ARL8B: variants seen among roughly 807,000 people sequenced by gnomAD.
ARL8B encodes the protein ADP-ribosylation factor-like protein 8B.
In ARL8B, 9 loss-of-function variants were observed where a neutral mutation model predicts 30.6. The observed-to-expected ratio is 0.29, with a 90% confidence interval of 0.18 to 0.51. The LOEUF (loss-of-function observed/expected upper bound fraction) is 0.51, where lower values mean the gene tolerates loss of function less well. Ranked by LOEUF, ARL8B falls within the 20% of genes least tolerant of loss-of-function variation. The pLI is 0.97. For missense variants in ARL8B, 130 were observed against 227.2 expected (o/e 0.57, Z 2.75); for synonymous variants, 74 against 76.0 (o/e 0.97, Z 0.14).
intron 1 of ARL8B, among the ~76,000 whole-genome samples, chr3:5,151,249 A>C (rs1275554722): frequency 2.0e-5 from 3 of 152,020 alleles, no homozygotes; most frequent in South Asian, 4.2e-4. Context: ...TGGGGGGCTT[A>C]GATTGTTAAT....
intron 1 of ARL8B, among the ~76,000 whole-genome samples, chr3:5,138,826 A>T (rs1430979493): frequency 2.0e-5 from 3 of 152,204 alleles, no homozygotes; most frequent in African/African-American, 7.2e-5. Flanking sequence ...TTTCACTGTG[A>T]AACAATGTCG....
chr3:5,122,343 G>C lies in ARL8B; in HGVS notation c.-123G>C, dbSNP rs559416959. Reference sequence around the variant, plus strand: ...TGGCTGCTGCCGCCCGCCGGTGTCCGCCCGTGTCGCGCCGGGGCACCAAGG... The same window carrying C: ...TGGCTGCTGCCGCCCGCCGGTGTCCCCCCGTGTCGCGCCGGGGCACCAAGG... On this transcript the variant is annotated 5_prime_UTR_variant, in exon 1 of 7. Coordinates refer to ENST00000256496, the MANE Select transcript of ARL8B (RefSeq NM_018184.3). The C allele has an allele frequency of 3.2e-6, 5 of 1,543,656 alleles. No homozygotes were observed. In the South Asian group the frequency reaches 5.9e-5, roughly 18 times the overall value.
intron 1 of ARL8B, among the ~76,000 whole-genome samples, chr3:5,163,020 C>T (rs563296688): frequency 3.2e-5 from 4 of 125,828 alleles, no homozygotes; most frequent in African/African-American, 1.3e-4. Flanking sequence ...CGGAGTCTTG[C>T]TGTGTCACCC....
chr3:5,167,417 A>G (rs1331090027), intron 1 of ARL8B, among the ~76,000 whole-genome samples: 1 of 152,206 alleles, frequency 6.6e-6, no homozygotes. Flanking sequence ...AAGCTTTATC[A>G]TAGGTATGTA....
chr3:5,164,523 CT>C (rs987499413), intron 1 of ARL8B, among the ~76,000 whole-genome samples: 26 of 152,298 alleles, frequency 1.7e-4, no homozygotes, highest in Admixed American at 1.7e-3. Context: ...AACATTTTAC[CT>C]CATTTGCTTT....
chr3:5,171,425 C>T (rs898092293), intron 2 of ARL8B, among the ~76,000 whole-genome samples: 1 of 149,744 alleles, frequency 6.7e-6, no homozygotes, highest in African/African-American at 2.5e-5. Context: ...GATCTCGGCT[C>T]ACTGCAACCT....
intron 1 of ARL8B, among the ~76,000 whole-genome samples, chr3:5,144,401 A>G (rs1033906954): frequency 1.3e-5 from 2 of 152,188 alleles, no homozygotes; most frequent in African/African-American, 4.8e-5. Flanking sequence ...TCCTTTGACA[A>G]GTTACACAGC....
intron 1 of ARL8B, among the ~76,000 whole-genome samples, chr3:5,129,256 C>CCT (rs775463551): frequency 2.6e-5 from 4 of 152,056 alleles, no homozygotes; most frequent in Non-Finnish European, 5.9e-5. Context: ...CACACTGCAA[C>CCT]CTCCACCTCT....
chr3:5,144,796 T>C (rs2054404219), intron 1 of ARL8B, among the ~76,000 whole-genome samples: 1 of 152,240 alleles, frequency 6.6e-6, no homozygotes, highest in Non-Finnish European at 1.5e-5. Context: ...TGGCAACCTC[T>C]GCTGGAAGCT....
rs576315236 is a variant in ARL8B, at chr3:5,161,088, G to C, written c.124-9415G>C. 1.4e-4 allele frequency among the ~76,000 whole-genome samples: 21 copies of C among 152,296 alleles called. No individual in the cohort carries two copies. The South Asian group carries it at 3.7e-3, about 27-fold the overall frequency. ...GCATGCCCCATCACACCTGGCAAAT[G>C]TTTGTATTTTTTGTAGAGATGGGGT... On this transcript the variant is annotated intron_variant, in intron 1 of 6. Transcript: ENST00000256496.
intron 1 of ARL8B, among the ~76,000 whole-genome samples, chr3:5,157,496 A>G (rs1039363151): frequency 2.1e-5 from 3 of 143,180 alleles, no homozygotes; most frequent in Non-Finnish European, 4.6e-5. Flanking sequence ...AAACAAAAAA[A>G]CCCCCAAAGC....
intron 1 of ARL8B, among the ~76,000 whole-genome samples, chr3:5,129,238 G>C (rs1045724691): frequency 2.0e-5 from 3 of 152,038 alleles, no homozygotes; most frequent in African/African-American, 7.2e-5. Context: ...GCAGTGGTGT[G>C]ATCTTGGCAC....
chr3:5,172,327 G>GA (rs1204046755), intron 3 of ARL8B, 104 bp downstream of exon 3: 2 of 1,025,030 alleles, frequency 2.0e-6, no homozygotes, highest in Non-Finnish European at 2.9e-6. Context: ...CTCAGGCAGT[G>GA]AAAATCTTTC....
chr3:5,137,332 T>C (rs147622463), intron 1 of ARL8B, among the ~76,000 whole-genome samples: 3 of 152,152 alleles, frequency 2.0e-5, no homozygotes, highest in African/African-American at 7.2e-5. Context: ...CCCCCTCACC[T>C]TTCACGTGAG....
At chr3:5,170,065 T>C (rs1006588565) in intron 1 of ARL8B, among the ~76,000 whole-genome samples, 3 of 152,204 alleles carry the variant, frequency 2.0e-5, no homozygotes, top group African/African-American at 7.2e-5. Flanking sequence ...TGACAAAATA[T>C]TTTATAAGCC....
chr3:5,150,217 CT>C (rs2054467681), intron 1 of ARL8B, among the ~76,000 whole-genome samples: 1 of 152,124 alleles, frequency 6.6e-6, no homozygotes, highest in African/African-American at 2.4e-5. Context: ...AATCCCAGCA[CT>C]TCGGGAGGCT....
chr3:5,159,198 G>A (rs571162885), intron 1 of ARL8B, among the ~76,000 whole-genome samples: 5 of 151,664 alleles, frequency 3.3e-5, no homozygotes, highest in Admixed American at 6.6e-5. Flanking sequence ...TACTTGGGAG[G>A]CTGAGGAGGG....
At chr3:5,156,660 C>T (rs2054535896) in intron 1 of ARL8B, among the ~76,000 whole-genome samples, 1 of 152,190 alleles carries the variant, frequency 6.6e-6, no homozygotes, top group African/African-American at 2.4e-5. Flanking sequence ...AAGTGATCCA[C>T]CCGCCTTGGC....
intron 1 of ARL8B, among the ~76,000 whole-genome samples, chr3:5,165,374 T>C (rs570972391): frequency 1.8e-4 from 27 of 152,324 alleles, no homozygotes; most frequent in Non-Finnish European, 2.8e-4. Context: ...GTAATTATAG[T>C]GACTTCATAT....
Sources: allele counts gnomAD v4.1 joint callset (sites outside exome capture counted in the v4.1 genomes callset), GRCh38; gene constraint gnomAD v4.1.1; transcripts MANE v1.5; gene names NCBI Gene and HGNC (gene_info 2026-07-23, HGNC 2026-07-21).